Variants in HECTD3 observed in about 807,000 individuals in gnomAD.
HECTD3 encodes the protein HECT domain E3 ubiquitin protein ligase 3, also known as E3 ubiquitin-protein ligase HECTD3.
HECTD3 carries 72 observed loss-of-function variants against 109.3 expected under a neutral mutation model. The observed-to-expected ratio is 0.66, with a 90% CI of 0.54 to 0.80. The LOEUF (loss-of-function observed/expected upper bound fraction) is 0.80. Among genes scored for constraint, HECTD3 ranks in the 30% least tolerant of loss-of-function variants. The pLI, the probability that HECTD3 is intolerant of heterozygous loss-of-function variation, is 0.00. For missense variants in HECTD3, 1,041 were observed against 1,165.2 expected (o/e 0.89, Z 1.55); for synonymous variants, 481 against 471.8 (o/e 1.02, Z -0.25).
chr1:45,009,836 C>T, intron 4 of HECTD3, 150 bp downstream of exon 4: 1 of 1,113,918 alleles, frequency 9.0e-7, no homozygotes, highest in South Asian at 1.5e-5. Flanking sequence ...TGTAAGGGGT[C>T]CTATAGACGT....
chr1:45,007,570 G>A lies in HECTD3; in HGVS notation c.1346C>T (p.Ser449Phe). The A allele has an allele frequency of 6.2e-7, 1 of 1,612,066 alleles. No homozygotes were observed. The highest frequency in any genetic ancestry group is 8.5e-7 in the Non-Finnish European group (1 of 1,180,004). Residue 449 changes from serine to phenylalanine, a missense_variant, in exon 10 of 21, where the codon TCC becomes TTC. Transcript: ENST00000372172. ...AGCCACCAGGCCTGGCCGCTGGCGG[G>A]ACAGCAGTAGGAACTGCTTCACTTG... is the stretch of plus-strand genomic sequence containing the variant. ...IKQVKQFLLLSRQRPGLVAQC... is the reference protein window; with the variant it reads ...IKQVKQFLLLFRQRPGLVAQC...
Position 45,003,286 on chromosome 1 carries a change from C to T in HECTD3, c.*206G>A, listed in dbSNP as rs899080546. 39 of 581,386 alleles carry T rather than the reference C, an allele frequency of 6.7e-5. No homozygotes were observed. Among genetic ancestry groups the T allele is most frequent in the Non-Finnish European group, 1.1e-4 (36 of 323,686 alleles). The allele number at this position is 581,386 out of a possible 1,614,324, so 36.0% of individuals were successfully genotyped here. On this transcript the variant is annotated 3_prime_UTR_variant, in exon 21 of 21. Transcript: ENST00000372172. The surrounding 1 kb of genome is among the most constrained non-coding windows in gnomAD (Gnocchi z 4.7). Reference sequence around the variant, plus strand: ...ATACCTCGGGAAGCAAGCCCCAGCACGGGTAGGGCTTGTGGGTCTGCGGGG... The same window carrying T: ...ATACCTCGGGAAGCAAGCCCCAGCATGGGTAGGGCTTGTGGGTCTGCGGGG...
rs917479303 is a variant in HECTD3 at position 45,011,288 on chromosome 1, C to T, written c.-31G>A. The T allele has an allele frequency of 3.3e-5, 44 of 1,350,004 alleles. No individual in the cohort carries two copies. Among genetic ancestry groups the T allele is most frequent in the African/African-American group, 4.6e-5 (3 of 64,896 alleles). The allele number at this position is 1,350,004 out of a possible 1,614,324, so 83.6% of individuals were successfully genotyped here. The stretch of plus-strand genomic sequence containing the variant: ...AGTGGCGGAGGTGAGCACCTAGAGG[C>T]GACCCTGCCCGGGGAACAGCTGGCG... On this transcript the variant is annotated 5_prime_UTR_variant, in exon 1 of 21. Coordinates refer to ENST00000372172, the MANE Select transcript of HECTD3 (RefSeq NM_024602.6).
intron 4 of HECTD3, 74 bp downstream of exon 4, chr1:45,009,912 G>C (rs1569946984): frequency 3.3e-6 from 5 of 1,501,426 alleles, no homozygotes; most frequent in African/African-American, 1.4e-5. Context: ...CCTGCAGGTG[G>C]GGGTTCTTTC....
At position 45,009,431 on chromosome 1, in the gene HECTD3, C is replaced by A. The variant is rs1010187853; in HGVS notation, c.927G>T (p.Arg309=). The A allele has an allele frequency of 1.9e-6, 3 of 1,614,190 alleles. No homozygotes were observed. The highest frequency in any genetic ancestry group is 2.5e-6 in the Non-Finnish European group (3 of 1,180,026). The change falls in exon 6 of 21, where the codon CGG becomes CGT. Residue 309 remains arginine, a synonymous_variant. Transcript: ENST00000372172. The part of the protein sequence containing the change: ...DTTDDNFMPK[R]VVVYGGEGDN... ...CCCCTTCACCCCCATAGACCACCAC[C>A]CGCTTTGGCATAAAGTTGTCATCTG...
In HECTD3 at chr1:45,010,912, C is replaced by T. The variant is rs745357106; in HGVS notation, c.346G>A (p.Gly116Arg). 1 of 1,544,716 alleles carries T rather than the reference C, an allele frequency of 6.5e-7. No homozygotes were observed. The highest frequency in any genetic ancestry group is 1.2e-5 in the South Asian group (1 of 83,106). The change falls in exon 1 of 21, where the codon GGG (glycine) becomes AGG (arginine). Residue 116 changes from glycine (G) to arginine (R), a missense_variant. This residue lies in a region of HECTD3 where 472 missense variants were observed against 449.9 expected (regional missense o/e 1.05). Transcript: ENST00000372172. ...TTGEELCNGH[G>R]LWVKLTKEQL... ...ACCTTTGTCAGCTTCACCCAGAGCC[C>T]GTGGCCATTGCACAGCTCCTCGCCC...
intron 8 of HECTD3, 69 bp from the exon 9 acceptor site, chr1:45,008,390 A>T: frequency 1.3e-6 from 2 of 1,510,642 alleles, no homozygotes; most frequent in Non-Finnish European, 1.8e-6. Flanking sequence ...TCCCCAACAT[A>T]AAGGGACAGG....
At chr1:45,010,331 CAGCGGTCAGCAAGACA>C in intron 2 of HECTD3, 38 bp from the exon 3 acceptor site, 1 of 1,585,418 alleles carries the variant, frequency 6.3e-7, no homozygotes, top group South Asian at 1.1e-5. Context: ...GGGGAGACAT[CAGCGGTCAGCAAGACA>C]CTACCTCCAT....
Position 45,007,498 on chromosome 1 carries a change from C to T in HECTD3, c.1418G>A (p.Arg473His), listed in dbSNP as rs1644747091. ...SESSKPSFMP[R>H]LYINRRLAME... ...GGCAAGACGGCGGTTGATGTATAGG[C>T]GTGGCATGAAGCTGGGCTTGCTGCT... Residue 473 changes from arginine to histidine, a missense_variant, in exon 10 of 21, where the codon CGC becomes CAC. By Grantham distance (29) the Arg-to-His change is conservative (BLOSUM62 0). Around this residue, in one of 2 missense-constraint regions of HECTD3, gnomAD observed 569 missense variants for 715.3 expected, o/e 0.80. Transcript: ENST00000372172. 4 of 1,613,974 alleles carry T rather than the reference C, an allele frequency of 2.5e-6. No individual in the cohort carries two copies. The highest frequency in any genetic ancestry group is 1.3e-5 in the African/African-American group (1 of 74,894).
intron 15 of HECTD3, 128 bp from the exon 16 acceptor site, chr1:45,004,934 G>A (rs1462722662): frequency 1.0e-5 from 8 of 786,418 alleles, no homozygotes; most frequent in East Asian, 7.4e-5. Flanking sequence ...AGCAGGGAAT[G>A]AGGGTGTCAG....
rs1366970811 is a variant in HECTD3 at position 45,005,999 on chromosome 1, G to C, written c.1843C>G (p.Leu615Val). 2.5e-6 allele frequency: 4 copies of C among 1,614,000 alleles called. No individual in the cohort carries two copies. The highest frequency in any genetic ancestry group is 2.2e-5 in the South Asian group (2 of 91,068). ...GGGGTGTGGATAAGGCTACTCACCA[G>C]GAACTCCTTACCCCGAAGGGCAGCC... ...MGAALRGKEFLVLALPGFVWK... is the reference protein window; with the variant it reads ...MGAALRGKEFVVLALPGFVWK... The change falls in exon 14 of 21, where the codon CTG (leucine) becomes GTG (valine). Residue 615 changes from leucine to valine, a missense_variant and splice_region_variant. Physicochemically the swap from Leu to Val is conservative, Grantham distance 32. Transcript: ENST00000372172.
chr1:45,006,239 T>C lies in HECTD3; in HGVS notation c.1726-123A>G. The C allele has an allele frequency of 1.6e-6, 2 of 1,260,520 alleles. No homozygotes were observed. The highest frequency in any genetic ancestry group is 1.4e-5 in the South Asian group (1 of 72,048). 78.1% of individuals were successfully genotyped at this position (1,260,520 alleles called of 1,614,324 possible). On this transcript the variant is annotated intron_variant, in intron 13 of 20. Transcript: ENST00000372172. This position sits in a 1 kb window ranked among gnomAD's most constrained non-coding sequence, Gnocchi z 4.7. ...CTAAATGATCCCTTCAAATGCACAG[T>C]GGCTCCTCCTCTCCCTGTCTGCCCA...
Position 45,006,267 on chromosome 1 carries a change from G to T in HECTD3, c.1726-151C>A. 1 of 1,021,056 alleles carries T rather than the reference G, an allele frequency of 9.8e-7. No individual in the cohort carries two copies. The allele number at this position is 1,021,056 out of a possible 1,614,324, so 63.2% of individuals were successfully genotyped here. A position where few individuals can be genotyped will look rare whatever the true frequency, so the allele number is the denominator to read the frequency against. ...CTCCTCCTCTCCCTGTCTGCCCAGA[G>T]GTTGCCCTGAGCAACTCAGTCCCTC... is the stretch of plus-strand genomic sequence containing the variant. On this transcript the variant is annotated intron_variant, in intron 13 of 20. Coordinates refer to ENST00000372172, the MANE Select transcript of HECTD3 (RefSeq NM_024602.6). The surrounding 1 kb of genome is among the most constrained non-coding windows in gnomAD (Gnocchi z 4.7).
chr1:45,004,139 T>C lies in HECTD3; in HGVS notation c.2273-5A>G, dbSNP rs1644714238. On this transcript the variant is annotated splice_region_variant and splice_polypyrimidine_tract_variant and intron_variant, in intron 17 of 20. Transcript: ENST00000372172. ...GCTCGAAGTCCTCAAACCGGGCTGG[T>C]GGAGACAAGGCCAGCATTCATTCTT... The C allele has an allele frequency of 6.2e-7, 1 of 1,614,004 alleles. No homozygotes were observed. The highest frequency in any genetic ancestry group is 1.7e-5 in the Admixed American group (1 of 60,006).
intron 9 of HECTD3, 95 bp downstream of exon 9, chr1:45,008,145 C>A: frequency 1.1e-6 from 1 of 950,674 alleles, no homozygotes; most frequent in South Asian, 1.5e-5. Context: ...AAAGGTCTTG[C>A]CCTAGAGTAG....
At chr1:45,004,433 A>T in intron 16 of HECTD3, 56 bp from the exon 17 acceptor site, 1 of 1,612,370 alleles carries the variant, frequency 6.2e-7, no homozygotes, top group Non-Finnish European at 8.5e-7. Context: ...CCCGCCTCAC[A>T]CTGGGGGGCA....
Position 45,005,802 on chromosome 1 carries a change from A to G in HECTD3, c.1927T>C (p.Ser643Pro). The G allele has an allele frequency of 6.3e-7, 1 of 1,595,386 alleles. No homozygotes were observed. The highest frequency in any genetic ancestry group is 8.5e-7 in the Non-Finnish European group (1 of 1,171,338). Residue 643 changes from serine to proline, a missense_variant, in exon 15 of 21, where the codon TCT becomes CCT. Physicochemically the swap from Ser to Pro is moderately conservative, Grantham distance 74 (BLOSUM62 -1). Transcript: ENST00000372172. Reference sequence around the variant, plus strand: ...TTCCAGGTCCTACTCACCAGCACAGAGTCCACAGCTGGGAAGTCCTTGCTC... The same window carrying G: ...TTCCAGGTCCTACTCACCAGCACAGGGTCCACAGCTGGGAAGTCCTTGCTC... ...SWSKDFPAVD[S>P]VLVKLLEVME... is the part of the protein sequence containing the mutation.
chr1:45,008,139 G>A (rs1051859309), intron 9 of HECTD3, 101 bp downstream of exon 9: 4 of 884,888 alleles, frequency 4.5e-6, no homozygotes, highest in Admixed American at 4.6e-5. Flanking sequence ...CCCAGCAAAG[G>A]TCTTGCCCTA....
In HECTD3 at chr1:45,010,583, G is replaced by A; in HGVS notation, c.493C>T (p.Gln165Ter). ...CGATAATCCACGCCAAAGAGCTGCT[G>A]CTGCCGCTGGAGGTGGTTGGGAGTG... ...IDTPNHLQRQ[Q>*]QLFGVDYRPV... The change falls in exon 2 of 21, where the codon CAG (glutamine) becomes TAG (stop). Residue 165 changes from glutamine (Q) to a stop codon, truncating the protein, a stop_gained. Transcript: ENST00000372172. LOFTEE classifies it high-confidence loss of function. The A allele has an allele frequency of 6.2e-7, 1 of 1,613,476 alleles. No homozygotes were observed. The highest frequency in any genetic ancestry group is 8.5e-7 in the Non-Finnish European group (1 of 1,179,984).
Sources: allele counts gnomAD v4.1 joint callset, GRCh38; gene constraint gnomAD v4.1.1; regional missense constraint gnomAD v4.1.1; non-coding constraint Gnocchi (gnomAD v3.1); transcripts MANE v1.5; gene names NCBI Gene and HGNC (gene_info 2026-07-23, HGNC 2026-07-21).